Variants in MSI2 observed in about 807,000 individuals in gnomAD.
The protein encoded by MSI2 is RNA-binding protein Musashi homolog 2.
In MSI2, 17 loss-of-function variants were observed where a neutral mutation model predicts 45.6. The observed-to-expected ratio is 0.37, with a 90% CI of 0.26 to 0.56. The LOEUF is 0.56. MSI2 is among the 20% of genes least tolerant of loss of function. MSI2 has a pLI of 0.77. For missense variants in MSI2, 293 were observed against 444.2 expected, an observed-to-expected ratio of 0.66 and a Z score of 3.06; for synonymous variants, 156 against 158.2, an observed-to-expected ratio of 0.99 and a Z score of 0.11.
At chr17:57,544,292 G>T (rs2087116750) in intron 7 of MSI2, among the ~76,000 whole-genome samples, 1 of 152,190 alleles carries the variant, frequency 6.6e-6, no homozygotes, top group South Asian at 2.1e-4. Context: ...GGCCTCTTTA[G>T]TGTGGGACTA....
At chr17:57,362,288 G>A (rs1237467326) in intron 5 of MSI2, among the ~76,000 whole-genome samples, 3 of 152,204 alleles carry the variant, frequency 2.0e-5, no homozygotes, top group Non-Finnish European at 4.4e-5. Flanking sequence ...CTTCCATTTT[G>A]TTCGGTAATA....
intron 5 of MSI2, among the ~76,000 whole-genome samples, chr17:57,366,807 G>A (rs1917229676): frequency 2.0e-5 from 3 of 152,124 alleles, no homozygotes; most frequent in Admixed American, 2.0e-4. Flanking sequence ...TTTTGAAATT[G>A]CACGTAATTT....
chr17:57,277,008 G>C (rs1309075628), intron 5 of MSI2, among the ~76,000 whole-genome samples: 2 of 151,822 alleles, frequency 1.3e-5, no homozygotes, highest in Non-Finnish European at 2.9e-5. Flanking sequence ...TATCATGTTA[G>C]GGACCTTTCT....
At chr17:57,453,432 C>T (rs2085055791) in intron 6 of MSI2, among the ~76,000 whole-genome samples, 2 of 152,136 alleles carry the variant, frequency 1.3e-5, no homozygotes, top group African/African-American at 4.8e-5. Context: ...CACTACAGGC[C>T]TTATAACCTG....
In MSI2 at chr17:57,652,914, C is replaced by G. The variant is rs182048977; in HGVS notation, c.790+753C>G. On this transcript the variant is annotated intron_variant, in intron 11 of 13. Coordinates refer to ENST00000284073, the MANE Select transcript of MSI2 (RefSeq NM_138962.4). The surrounding 1 kb of genome is among the most constrained non-coding windows in gnomAD (Gnocchi z 4.1). Reference sequence around the variant, plus strand: ...CCCGGGGTCCCTTTTGTCCCTCTCCCCAGAATGCTTTCTGCCTTCCCAGGC... The same window carrying G: ...CCCGGGGTCCCTTTTGTCCCTCTCCGCAGAATGCTTTCTGCCTTCCCAGGC... Among the ~76,000 whole-genome samples, 875 of 152,300 alleles carry G rather than the reference C, an allele frequency of 5.7e-3. 4 individuals are homozygous for G. Among genetic ancestry groups the G allele is most frequent in the Non-Finnish European group, 9.6e-3 (655 of 68,008 alleles).
At chr17:57,339,043 T>C (rs1368901990) in intron 5 of MSI2, among the ~76,000 whole-genome samples, 2 of 152,222 alleles carry the variant, frequency 1.3e-5, no homozygotes, top group Non-Finnish European at 2.9e-5. Context: ...TCTTTCTCTT[T>C]GTGGCTTTCA....
Position 57,529,009 on chromosome 17 carries a change from T to C in MSI2, c.406-667T>C, listed in dbSNP as rs2086763985. ...GGGAAATATGCATCGGTCAAGATAG[T>C]AGTATACATGATATACTAACCTGGA... is the stretch of plus-strand genomic sequence containing the variant. On this transcript the variant is annotated intron_variant, in intron 6 of 13. Coordinates refer to ENST00000284073, the MANE Select transcript of MSI2 (RefSeq NM_138962.4). The surrounding 1 kb of genome is among the most constrained non-coding windows in gnomAD (Gnocchi z 5.3). 1.3e-5 allele frequency among the ~76,000 whole-genome samples: 2 copies of C among 152,344 alleles called. No homozygotes were observed. The highest frequency in any genetic ancestry group is 1.3e-4 in the Admixed American group (2 of 15,306).
intron 5 of MSI2, among the ~76,000 whole-genome samples, chr17:57,271,045 C>T (rs540260530): frequency 6.6e-6 from 1 of 152,140 alleles, no homozygotes; most frequent in South Asian, 2.1e-4. Context: ...GAGTAAAGTC[C>T]CGGGGAGCAG....
intron 7 of MSI2, among the ~76,000 whole-genome samples, chr17:57,542,261 C>T (rs941221463): frequency 6.6e-6 from 1 of 152,164 alleles, no homozygotes; most frequent in African/African-American, 2.4e-5. Context: ...CACTGTTGCA[C>T]AATAAAGCAG....
intron 6 of MSI2, among the ~76,000 whole-genome samples, chr17:57,512,738 G>C (rs2086381396): frequency 6.6e-6 from 1 of 152,156 alleles, no homozygotes; most frequent in Non-Finnish European, 1.5e-5. Context: ...AGATGTTAGA[G>C]AAAGTGGCCA....
At chr17:57,642,252 G>A (rs1910317667) in intron 10 of MSI2, among the ~76,000 whole-genome samples, 2 of 152,300 alleles carry the variant, frequency 1.3e-5, no homozygotes, top group South Asian at 4.1e-4. Flanking sequence ...ACCTTTTGGG[G>A]GTAGGTCAAG....
chr17:57,396,069 G>C (rs1388572250), intron 5 of MSI2, among the ~76,000 whole-genome samples: 1 of 152,212 alleles, frequency 6.6e-6, no homozygotes, highest in East Asian at 1.9e-4. Context: ...CTTGGGGAGT[G>C]AAGATGGCTT....
chr17:57,607,071 G>A (rs2144519086), intron 8 of MSI2, among the ~76,000 whole-genome samples: 1 of 152,332 alleles, frequency 6.6e-6, no homozygotes, highest in East Asian at 1.9e-4. Flanking sequence ...CAGAGGAAAT[G>A]AGGCTCCATG....
intron 7 of MSI2, among the ~76,000 whole-genome samples, chr17:57,589,795 C>G (rs1904653671): frequency 6.6e-6 from 1 of 152,182 alleles, no homozygotes; most frequent in Admixed American, 6.5e-5. Flanking sequence ...GTTCCTGCCT[C>G]TGGTTTAGCG....
At chr17:57,521,374 C>T (rs1180212333) in intron 6 of MSI2, among the ~76,000 whole-genome samples, 2 of 151,960 alleles carry the variant, frequency 1.3e-5, no homozygotes, top group African/African-American at 4.8e-5. Flanking sequence ...ATTGTGACCA[C>T]GAAAGTAGTA....
At chr17:57,598,344 A>G (rs1040354710) in intron 8 of MSI2, among the ~76,000 whole-genome samples, 1 of 152,238 alleles carries the variant, frequency 6.6e-6, no homozygotes, top group Non-Finnish European at 1.5e-5. Flanking sequence ...TCAATAATAG[A>G]GCTTTTAGTG....
At chr17:57,479,048 T>A (rs1417545175) in intron 6 of MSI2, among the ~76,000 whole-genome samples, 3 of 151,936 alleles carry the variant, frequency 2.0e-5, no homozygotes. Flanking sequence ...AGACTGTGTG[T>A]GCCCCAGGGG....
intron 6 of MSI2, among the ~76,000 whole-genome samples, chr17:57,436,650 G>T (rs58953075): frequency 6.6e-6 from 1 of 152,204 alleles, no homozygotes; most frequent in African/African-American, 2.4e-5. Context: ...AGGAGGCAGG[G>T]GGGTGAGAGC....
chr17:57,291,896 C>T (rs1228380337), intron 5 of MSI2, among the ~76,000 whole-genome samples: 1 of 152,114 alleles, frequency 6.6e-6, no homozygotes, highest in African/African-American at 2.4e-5. Flanking sequence ...ACCCCAGCCT[C>T]ATTCTCCCCC....
Sources: gnomAD v4.1 joint callset for allele counts (sites outside exome capture counted in the v4.1 genomes callset) on GRCh38, gnomAD v4.1.1 for gene constraint, Gnocchi (gnomAD v3.1) non-coding constraint, MANE v1.5 for transcripts, NCBI Gene and HGNC (gene_info 2026-07-23, HGNC 2026-07-21) for gene names.